Variants in RBKS observed in about 807,000 individuals in gnomAD.
RBKS encodes the protein ribokinase.
RBKS carries 33 observed loss-of-function variants against 33.9 expected under a neutral mutation model. That is an observed-to-expected ratio of 0.97 (90% CI 0.74 to 1.30). RBKS has a LOEUF of 1.30. Among genes scored for constraint, RBKS ranks in the 50% most tolerant of loss-of-function variants. RBKS has a pLI of 0.00. For synonymous variants in RBKS, 125 were observed against 143.0 expected, an observed-to-expected ratio of 0.87 and a Z score of 0.90; for missense variants, 361 against 392.6, an observed-to-expected ratio of 0.92 and a Z score of 0.68.
chr2:27,852,994 C>T (rs1478200424), intron 2 of RBKS, among the ~76,000 whole-genome samples: 2 of 152,062 alleles, frequency 1.3e-5, no homozygotes, highest in Non-Finnish European at 2.9e-5. Context: ...TAACAAAATA[C>T]ATAAGAAGAA....
intron 1 of RBKS, among the ~76,000 whole-genome samples, chr2:27,881,391 A>C (rs539796979): frequency 2.3e-4 from 35 of 151,932 alleles, no homozygotes; most frequent in Non-Finnish European, 3.8e-4. Flanking sequence ...AAATACAAAA[A>C]TTAGCCAGCC....
chr2:27,832,778 C>G lies in RBKS; in HGVS notation c.515-1G>C. 4.4e-6 allele frequency: 7 copies of G among 1,594,098 alleles called. 1 individual carries two copies. Among genetic ancestry groups the G allele is most frequent in the Middle Eastern group, 3.3e-4 (2 of 6,018 alleles). ...GGGGCTGGATTGAACAAGGTTTTCA[C>G]TACAAAGGAATGGAAAAGGGGGTTA... On this transcript the variant is annotated splice_acceptor_variant, in intron 5 of 7. Transcript: ENST00000302188. LOFTEE classifies it high-confidence loss of function.
At chr2:27,822,570 AAG>A (rs1678233517) in intron 7 of RBKS, among the ~76,000 whole-genome samples, 1 of 152,224 alleles carries the variant, frequency 6.6e-6, no homozygotes. Context: ...ACCTCATCCT[AAG>A]AAAGTGCTTC....
chr2:27,789,623 G>C (rs1573031544), intron 7 of RBKS, among the ~76,000 whole-genome samples: 1 of 151,890 alleles, frequency 6.6e-6, no homozygotes, highest in East Asian at 1.9e-4. Flanking sequence ...GGAGTGCAAT[G>C]GTGCTGTCTT....
At chr2:27,848,379 T>C (rs565612960) in intron 2 of RBKS, among the ~76,000 whole-genome samples, 3 of 152,314 alleles carry the variant, frequency 2.0e-5, no homozygotes, top group South Asian at 2.1e-4. Flanking sequence ...CCCACTGAGA[T>C]AGAGTTATCT....
intron 1 of RBKS, among the ~76,000 whole-genome samples, chr2:27,872,884 A>G (rs773359864): frequency 6.6e-6 from 1 of 152,158 alleles, no homozygotes; most frequent in Non-Finnish European, 1.5e-5. Flanking sequence ...TGGTGGAAGC[A>G]GAAGCTTGAA....
chr2:27,872,878 G>A lies in RBKS; in HGVS notation c.90-14307C>T, dbSNP rs190760482. Reference sequence around the variant, plus strand: ...TGGCAAGAAGGAAGCAATTTGTGGTGGAAGCAGAAGCTTGAATGGATGCAG... The same window carrying A: ...TGGCAAGAAGGAAGCAATTTGTGGTAGAAGCAGAAGCTTGAATGGATGCAG... On this transcript the variant is annotated intron_variant, in intron 1 of 7. Coordinates refer to ENST00000302188, the MANE Select transcript of RBKS (RefSeq NM_022128.3). 2.6e-5 allele frequency among the ~76,000 whole-genome samples: 4 copies of A among 152,228 alleles called. No individual in the cohort carries two copies. In the East Asian group the frequency reaches 5.8e-4, roughly 22 times the overall value.
intron 5 of RBKS, among the ~76,000 whole-genome samples, chr2:27,839,721 G>C (rs533357751): frequency 6.6e-6 from 1 of 152,224 alleles, no homozygotes; most frequent in South Asian, 2.1e-4. Context: ...CTTTATCATC[G>C]TTCTTGAAGA....
chr2:27,854,753 T>C (rs985959266), intron 2 of RBKS, among the ~76,000 whole-genome samples: 1 of 151,230 alleles, frequency 6.6e-6, no homozygotes, highest in African/African-American at 2.4e-5. Flanking sequence ...GCTTTTTCTT[T>C]TTTTTTTTTT....
chr2:27,874,132 A>G (rs1664267972), intron 1 of RBKS, among the ~76,000 whole-genome samples: 1 of 152,156 alleles, frequency 6.6e-6, no homozygotes, highest in South Asian at 2.1e-4. Flanking sequence ...TTGTCCTTGA[A>G]GATCATATGA....
intron 7 of RBKS, among the ~76,000 whole-genome samples, chr2:27,824,245 T>A (rs1354445716): frequency 6.6e-6 from 1 of 152,232 alleles, no homozygotes; most frequent in Non-Finnish European, 1.5e-5. Flanking sequence ...TATTTAATAA[T>A]TCACCTATTT....
chr2:27,883,761 C>G (rs749172679), intron 1 of RBKS, among the ~76,000 whole-genome samples: 1 of 151,638 alleles, frequency 6.6e-6, no homozygotes, highest in Non-Finnish European at 1.5e-5. Flanking sequence ...TCTCATCACC[C>G]TGTTACCTAG....
intron 7 of RBKS, among the ~76,000 whole-genome samples, chr2:27,820,598 G>T (rs974663124): frequency 2.0e-5 from 3 of 151,176 alleles, no homozygotes; most frequent in African/African-American, 7.3e-5. Context: ...TTTTTCTTGA[G>T]ACAGGGTCTT....
chr2:27,863,924 A>G (rs775920750), intron 1 of RBKS, among the ~76,000 whole-genome samples: 3 of 152,212 alleles, frequency 2.0e-5, no homozygotes, highest in Non-Finnish European at 4.4e-5. Flanking sequence ...AATTCATTCT[A>G]TGTTCCCTAA....
chr2:27,845,403 C>T (rs1232551222), intron 4 of RBKS, among the ~76,000 whole-genome samples: 2 of 152,148 alleles, frequency 1.3e-5, no homozygotes, highest in South Asian at 2.1e-4. Flanking sequence ...AGGGCATTAC[C>T]GTACACTGTA....
chr2:27,806,136 G>A (rs1392241142), intron 7 of RBKS, among the ~76,000 whole-genome samples: 2 of 151,962 alleles, frequency 1.3e-5, no homozygotes, highest in South Asian at 2.1e-4. Flanking sequence ...CGCCCGCCTC[G>A]GCCTCCCAAA....
chr2:27,804,861 C>T (rs1677866002), intron 7 of RBKS, among the ~76,000 whole-genome samples: 1 of 151,964 alleles, frequency 6.6e-6, no homozygotes, highest in African/African-American at 2.4e-5. Flanking sequence ...CTCGTCTCTA[C>T]AAAAAAATGC....
intron 7 of RBKS, among the ~76,000 whole-genome samples, chr2:27,815,341 G>A (rs995308294): frequency 6.6e-6 from 1 of 152,068 alleles, no homozygotes; most frequent in Non-Finnish European, 1.5e-5. Flanking sequence ...CGAAGTAGTG[G>A]GGACTACAGA....
At chr2:27,876,192 T>C (rs904648909) in intron 1 of RBKS, among the ~76,000 whole-genome samples, 1 of 152,208 alleles carries the variant, frequency 6.6e-6, no homozygotes, top group Non-Finnish European at 1.5e-5. Flanking sequence ...ATTCCCATGT[T>C]AATAGCAGCA....
Sources: gnomAD v4.1 joint callset for allele counts (sites outside exome capture counted in the v4.1 genomes callset) on GRCh38, gnomAD v4.1.1 for gene constraint, MANE v1.5 for transcripts, NCBI Gene and HGNC (gene_info 2026-07-23, HGNC 2026-07-21) for gene names.